The following RNF152 variants were observed in gnomAD, a reference collection of about 807,000 sequenced individuals.
The protein encoded by RNF152 is E3 ubiquitin-protein ligase RNF152.
Under a neutral mutation model 12.7 loss-of-function variants are expected in RNF152, and 11 were observed. That is an observed-to-expected ratio of 0.86 (90% confidence interval 0.54 to 1.43). The LOEUF is 1.43. Ranked by LOEUF, RNF152 falls within the 40% of genes most tolerant of loss-of-function variation. The pLI is 0.00. For synonymous variants in RNF152, 113 were observed against 120.3 expected, an observed-to-expected ratio of 0.94 and a Z score of 0.40; for missense variants, 255 against 274.8, an observed-to-expected ratio of 0.93 and a Z score of 0.51.
At chr18:61,882,140 A>G (rs1055378767) in intron 1 of RNF152, among the ~76,000 whole-genome samples, 1 of 152,230 alleles carries the variant, frequency 6.6e-6, no homozygotes, top group Non-Finnish European at 1.5e-5. Flanking sequence ...TTGGATTTTC[A>G]GATGTGGAAT....
At chr18:61,834,844 A>C (rs893795596) in intron 1 of RNF152, among the ~76,000 whole-genome samples, 8 of 152,190 alleles carry the variant, frequency 5.3e-5, no homozygotes, top group African/African-American at 1.9e-4. Flanking sequence ...CTAAACTTAG[A>C]TGTTAAACTA....
At chr18:61,838,903 T>C (rs1910311618) in intron 1 of RNF152, among the ~76,000 whole-genome samples, 1 of 152,088 alleles carries the variant, frequency 6.6e-6, no homozygotes, top group African/African-American at 2.4e-5. Context: ...CTCATCCTCC[T>C]TGTCCCTGGA....
intron 1 of RNF152, among the ~76,000 whole-genome samples, chr18:61,816,994 C>T (rs182315386): frequency 1.3e-5 from 2 of 152,252 alleles, no homozygotes; most frequent in African/African-American, 4.8e-5. Context: ...AATTTCTCTC[C>T]TTAGATCCTC....
In RNF152 at chr18:61,816,382, G is replaced by A; in HGVS notation, c.82C>T (p.Leu28=). The change falls in exon 2 of 2, where the codon CTG becomes TTG. Residue 28 remains leucine, a synonymous_variant. Transcript: ENST00000312828. Reference sequence around the variant, plus strand: ...GAACAGCAGGTGTGCTTGCAGTCCAGCAACTTGGGCCTGCGCCGGGGGCTG... The same window carrying A: ...GAACAGCAGGTGTGCTTGCAGTCCAACAACTTGGGCCTGCGCCGGGGGCTG... ...YYSPRRRPKL[L]DCKHTCCSVC... 1 of 1,614,172 alleles carries A rather than the reference G, an allele frequency of 6.2e-7. No homozygotes were observed. Among genetic ancestry groups the A allele is most frequent in the African/African-American group, 1.3e-5 (1 of 75,070 alleles).
At chr18:61,881,020 TCTC>T (rs199636346) in intron 1 of RNF152, among the ~76,000 whole-genome samples, 6,714 of 151,984 alleles carry the variant, frequency 0.044, 211 homozygotes, top group Middle Eastern at 0.061. Flanking sequence ...TTCAAGCGAT[TCTC>T]CCATCTCAGC....
At chr18:61,862,180 T>A (rs908011235) in intron 1 of RNF152, among the ~76,000 whole-genome samples, 4 of 152,158 alleles carry the variant, frequency 2.6e-5, no homozygotes, top group Non-Finnish European at 4.4e-5. Flanking sequence ...CCCTGCCTCC[T>A]CCATCCTGAC....
chr18:61,837,307 T>A (rs1910232439), intron 1 of RNF152, among the ~76,000 whole-genome samples: 1 of 152,060 alleles, frequency 6.6e-6, no homozygotes. Context: ...AGATCCAGGA[T>A]TGAGTGGGGA....
intron 1 of RNF152, among the ~76,000 whole-genome samples, chr18:61,843,613 A>G (rs1910551637): frequency 6.6e-6 from 1 of 152,210 alleles, no homozygotes; most frequent in Non-Finnish European, 1.5e-5. Context: ...ATGGAATATT[A>G]TTCAGCCTTA....
In RNF152 at chr18:61,863,945, T is replaced by C. The variant is rs189318416; in HGVS notation, c.-136+28850A>G. 7.2e-4 allele frequency among the ~76,000 whole-genome samples: 110 copies of C among 152,350 alleles called. 1 individual carries two copies. Among genetic ancestry groups the C allele is most frequent in the Non-Finnish European group, 1.4e-3 (93 of 68,038 alleles). On this transcript the variant is annotated intron_variant, in intron 1 of 1. Transcript: ENST00000312828. ...CCGCTCTAATCGGCTGCCTTTTCCA[T>C]GTATTTTAATCTTTCTCTTTCTGAA...
chr18:61,882,123 T>C (rs1018070698), intron 1 of RNF152, among the ~76,000 whole-genome samples: 1 of 152,370 alleles, frequency 6.6e-6, no homozygotes, highest in East Asian at 1.9e-4. Context: ...TTGGAGAATT[T>C]TGGATTTTGG....
rs1372821154 is a variant in RNF152, at chr18:61,892,933, T to A, written c.-274A>T. On this transcript the variant is annotated 5_prime_UTR_variant, in exon 1 of 2. The change abolishes an upstream ATG in the 5' untranslated region. Coordinates refer to ENST00000312828, the MANE Select transcript of RNF152 (RefSeq NM_173557.3). The stretch of plus-strand genomic sequence containing the variant: ...TTTCTTCAGCCTGCAGTGAAATACA[T>A]GCAGGAAGGGTTAGATACGCGCCGC... 7 of 152,230 alleles carry A rather than the reference T, an allele frequency of 4.6e-5. No homozygotes were observed. Among genetic ancestry groups the A allele is most frequent in the Non-Finnish European group, 1.0e-4 (7 of 68,096 alleles). 9.4% of individuals were successfully genotyped at this position (152,230 alleles called of 1,614,324 possible).
At chr18:61,867,294 T>C (rs1911777720) in intron 1 of RNF152, among the ~76,000 whole-genome samples, 1 of 151,968 alleles carries the variant, frequency 6.6e-6, no homozygotes, top group Admixed American at 6.6e-5. Flanking sequence ...CTACTAAAAA[T>C]ACAGAAAATT....
intron 1 of RNF152, among the ~76,000 whole-genome samples, chr18:61,860,676 C>A (rs984644726): frequency 5.1e-4 from 78 of 152,308 alleles, no homozygotes; most frequent in African/African-American, 1.8e-3. Context: ...AGAGTGTACT[C>A]CTACTTATTT....
In RNF152 at chr18:61,809,889, G is replaced by A. The variant is rs897402996; in HGVS notation, c.*5963C>T. ...AAAAAAAAAAAAAAGTCATTGGCTC[G>A]ACTGAGCAAGAAAATTTGTGCAGAA... On this transcript the variant is annotated 3_prime_UTR_variant, in exon 2 of 2. Coordinates refer to ENST00000312828, the MANE Select transcript of RNF152 (RefSeq NM_173557.3). The A allele has an allele frequency of 2.1e-5, 3 of 144,062 alleles. No homozygotes were observed. Among genetic ancestry groups the A allele is most frequent in the Non-Finnish European group, 3.0e-5 (2 of 66,574 alleles). The allele number at this position is 144,062 out of a possible 1,614,324, so 8.9% of individuals were successfully genotyped here.
Position 61,814,872 on chromosome 18 carries a change from G to C in RNF152, c.*980C>G, listed in dbSNP as rs1433555969. 6.6e-6 allele frequency: 1 copy of C among 152,178 alleles called. No homozygotes were observed. Among genetic ancestry groups the C allele is most frequent in the Non-Finnish European group, 1.5e-5 (1 of 68,040 alleles). 9.4% of individuals were successfully genotyped at this position (152,178 alleles called of 1,614,324 possible). A position where few individuals can be genotyped will look rare whatever the true frequency, so the allele number is the denominator to read the frequency against. Reference sequence around the variant, plus strand: ...ACAAAATGCAGGACTTAAATACACAGAAGAGGAGCGAGTGTTGCAGGTGAC... The same window carrying C: ...ACAAAATGCAGGACTTAAATACACACAAGAGGAGCGAGTGTTGCAGGTGAC... On this transcript the variant is annotated 3_prime_UTR_variant, in exon 2 of 2. Coordinates refer to ENST00000312828, the MANE Select transcript of RNF152 (RefSeq NM_173557.3).
intron 1 of RNF152, among the ~76,000 whole-genome samples, chr18:61,890,829 G>A (rs756224240): frequency 7.2e-5 from 11 of 152,156 alleles, no homozygotes; most frequent in East Asian, 1.9e-4. Context: ...TGTAAGGACC[G>A]AACTGTATGG....
intron 1 of RNF152, among the ~76,000 whole-genome samples, chr18:61,825,381 G>A (rs193059592): frequency 6.6e-6 from 1 of 152,326 alleles, no homozygotes; most frequent in East Asian, 1.9e-4. Context: ...ATCATTGCCT[G>A]TCAGAGCCAG....
intron 1 of RNF152, among the ~76,000 whole-genome samples, chr18:61,828,649 C>T (rs1406515994): frequency 6.6e-6 from 1 of 152,170 alleles, no homozygotes; most frequent in Non-Finnish European, 1.5e-5. Flanking sequence ...TGATAATATT[C>T]TCAGTGTACT....
chr18:61,829,691 A>T (rs1260445134), intron 1 of RNF152, among the ~76,000 whole-genome samples: 1 of 151,910 alleles, frequency 6.6e-6, no homozygotes, highest in African/African-American at 2.4e-5. Context: ...ATGCGGTCCA[A>T]ACCTTTCCCC....
Sources: gnomAD v4.1 joint callset for allele counts (sites outside exome capture counted in the v4.1 genomes callset) on GRCh38, gnomAD v4.1.1 for gene constraint, MANE v1.5 for transcripts, NCBI Gene and HGNC (gene_info 2026-07-23, HGNC 2026-07-21) for gene names.